SMG5: variants seen among roughly 807,000 people sequenced by gnomAD.
SMG5 encodes SMG5 nonsense mediated mRNA decay factor, also known as nonsense-mediated mRNA decay factor SMG5.
SMG5 carries 53 observed loss-of-function variants against 122.9 expected under a neutral mutation model. The observed-to-expected ratio is 0.43, with a 90% confidence interval of 0.35 to 0.54. The LOEUF (loss-of-function observed/expected upper bound fraction) is 0.54, where lower values mean the gene tolerates loss of function less well. Among genes scored for constraint, SMG5 ranks in the 20% least tolerant of loss-of-function variants. SMG5 has a pLI of 0.01. For synonymous variants in SMG5, 477 were observed against 490.2 expected (o/e 0.97, Z 0.35); for missense variants, 1,153 against 1,285.6 (o/e 0.90, Z 1.58).
Position 156,277,376 on chromosome 1 carries a change from T to G in SMG5, c.298-135A>C, listed in dbSNP as rs552149787. On this transcript the variant is annotated intron_variant, in intron 3 of 21. Transcript: ENST00000361813. ...TCTCACTCACAAGTTACTGTCATAC[T>G]CTTAGCTCTAACTCTCTGATCTTTC... 7.0e-6 allele frequency: 7 copies of G among 999,112 alleles called. No homozygotes were observed. The East Asian group carries it at 1.9e-4, about 27-fold the overall frequency. 61.9% of individuals were successfully genotyped at this position (999,112 alleles called of 1,614,324 possible).
Position 156,261,334 on chromosome 1 carries a change from A to G in SMG5, c.2106T>C (p.Ser702=), listed in dbSNP as rs142531672. ...LLPAAGELQE[S]GLALCPEVQD... is the part of the protein sequence containing the mutation. ...GGGTAGTGCCAGGGACCCACTCACCAGACTCCTGGAGTTCACCAGCAGCAG... is the reference window on the plus strand; with the variant it reads ...GGGTAGTGCCAGGGACCCACTCACCGGACTCCTGGAGTTCACCAGCAGCAG... The change falls in exon 14 of 22, where the codon TCT becomes TCC. Residue 702 remains serine, a splice_region_variant and synonymous_variant. Coordinates refer to ENST00000361813, the MANE Select transcript of SMG5 (RefSeq NM_015327.3). The G allele has an allele frequency of 2.5e-6, 4 of 1,614,032 alleles. No individual in the cohort carries two copies. The African/African-American group carries it at 5.3e-5, about 22-fold the overall frequency.
chr1:156,278,011 G>T lies in SMG5; in HGVS notation c.211C>A (p.Pro71Thr). 6.2e-7 allele frequency: 1 copy of T among 1,614,104 alleles called. No homozygotes were observed. Among genetic ancestry groups the T allele is most frequent in the Non-Finnish European group, 8.5e-7 (1 of 1,180,012 alleles). Reference protein sequence around the residue: ...ELCVKLMFLHPVDYGRKAEEL... With the variant: ...ELCVKLMFLHTVDYGRKAEEL... ...TCAGCCTTTCTCCCATAGTCCACTG[G>T]GTGCAGGAACATAAGCTTGACGCAG... Residue 71 changes from proline to threonine, a missense_variant, in exon 3 of 22, where the codon CCA becomes ACA. By Grantham distance (38) the Pro-to-Thr change is conservative. Around this residue, in one of 5 missense-constraint regions of SMG5, gnomAD observed 213 missense variants for 197.5 expected, o/e 1.08. Transcript: ENST00000361813.
At chr1:156,269,988 C>T (rs1466360843) in intron 7 of SMG5, among the ~76,000 whole-genome samples, 4 of 151,698 alleles carry the variant, frequency 2.6e-5, no homozygotes, top group Admixed American at 6.6e-5. Flanking sequence ...TGCAGTGAGC[C>T]GAGATCGCGC....
chr1:156,286,727 T>C (rs962082316), upstream of SMG5, among the ~76,000 whole-genome samples: 2 of 152,224 alleles, frequency 1.3e-5, no homozygotes, highest in African/African-American at 4.8e-5. Flanking sequence ...AATGCACCCA[T>C]TGCAGCCACT....
Position 156,250,319 on chromosome 1 carries a change from G to T in SMG5, c.*268C>A, listed in dbSNP as rs1310429932. On this transcript the variant is annotated 3_prime_UTR_variant, in exon 22 of 22. Transcript: ENST00000361813. ...CCACCTGCCCCTGGAGACAGCAGGG[G>T]AGCTGAGGCAGGAAGGCTGGCCAGG... The T allele has an allele frequency of 1.2e-5, 6 of 482,302 alleles. No individual in the cohort carries two copies. The highest frequency in any genetic ancestry group is 1.9e-5 in the Non-Finnish European group (5 of 265,352). The allele number at this position is 482,302 out of a possible 1,614,324, so 29.9% of individuals were successfully genotyped here.
At chr1:156,264,129 G>A (rs1374213979) in intron 12 of SMG5, among the ~76,000 whole-genome samples, 1 of 151,850 alleles carries the variant, frequency 6.6e-6, no homozygotes, top group Non-Finnish European at 1.5e-5. Flanking sequence ...TTAGCTGGGT[G>A]TGGTGGTGCA....
At chr1:156,253,564 G>A (rs867654595) in intron 16 of SMG5, 56 bp from the exon 17 acceptor site, 1 of 1,541,206 alleles carries the variant, frequency 6.5e-7, no homozygotes, top group Non-Finnish European at 9.0e-7. Flanking sequence ...CTTCTCCAGT[G>A]ATCAGGAAGA....
At chr1:156,266,825 T>C (rs1662175406) in intron 10 of SMG5, 147 bp from the exon 11 acceptor site, 2 of 1,092,720 alleles carry the variant, frequency 1.8e-6, no homozygotes, top group Non-Finnish European at 2.5e-6. Context: ...TTTAACTTTT[T>C]AGAGACAAGA....
upstream of SMG5, chr1:156,285,352 G>A (rs746780650): frequency 5.8e-5 from 91 of 1,574,180 alleles, no homozygotes; most frequent in African/African-American, 2.4e-4. Flanking sequence ...CCGAATCCCC[G>A]GGAGCTGAGT....
intron 13 of SMG5, among the ~76,000 whole-genome samples, chr1:156,261,674 G>C (rs1661844868): frequency 6.6e-6 from 1 of 152,022 alleles, no homozygotes; most frequent in East Asian, 1.9e-4. Flanking sequence ...GATCACCTGA[G>C]GTCAGGAGTT....
At chr1:156,282,550 C>T (rs986236507) in intron 1 of SMG5, 57 bp downstream of exon 1, 7 of 1,538,480 alleles carry the variant, frequency 4.5e-6, no homozygotes, top group Non-Finnish European at 6.1e-6. Context: ...GAGGCCCCGC[C>T]CCTCGCCGTC....
At chr1:156,277,833 G>T in intron 3 of SMG5, 92 bp downstream of exon 3, 1 of 1,541,350 alleles carries the variant, frequency 6.5e-7, no homozygotes, top group Non-Finnish European at 8.8e-7. Context: ...TGTTTTCTTG[G>T]CTCCCCTACC....
intron 15 of SMG5, among the ~76,000 whole-genome samples, chr1:156,259,773 A>G (rs1447670653): frequency 6.6e-6 from 1 of 152,092 alleles, no homozygotes; most frequent in Non-Finnish European, 1.5e-5. Flanking sequence ...CAAGCGATCC[A>G]CCTGCCTTGG....
chr1:156,270,747 C>G (rs1662373359), intron 7 of SMG5, among the ~76,000 whole-genome samples: 1 of 152,192 alleles, frequency 6.6e-6, no homozygotes, highest in Non-Finnish European at 1.5e-5. Flanking sequence ...GTGGCTCACG[C>G]CTGTAATCCC....
rs556398092 is a variant in SMG5, at chr1:156,263,650, G to T, written c.1856-80C>A. ...GGAACAGGCCTCAGCTCTGTGCAGGGAGCATGCTTCCACCTGGCCTGGGCC... is the reference window on the plus strand; with the variant it reads ...GGAACAGGCCTCAGCTCTGTGCAGGTAGCATGCTTCCACCTGGCCTGGGCC... On this transcript the variant is annotated intron_variant, in intron 12 of 21. Coordinates refer to ENST00000361813, the MANE Select transcript of SMG5 (RefSeq NM_015327.3). 1.4e-4 allele frequency: 205 copies of T among 1,475,862 alleles called. 3 individuals are homozygous for T. In the South Asian group the frequency reaches 1.8e-3, roughly 13 times the overall value. 91.4% of individuals were successfully genotyped at this position (1,475,862 alleles called of 1,614,324 possible).
intron 15 of SMG5, among the ~76,000 whole-genome samples, 176 bp downstream of exon 15, chr1:156,260,275 A>C (rs1661758317): frequency 6.6e-6 from 1 of 152,224 alleles, no homozygotes; most frequent in African/African-American, 2.4e-5. Flanking sequence ...CCAAGGCAGG[A>C]AAAAAGCTAA....
At chr1:156,253,290 G>A (rs1661434629) in intron 17 of SMG5, among the ~76,000 whole-genome samples, 159 bp downstream of exon 17, 2 of 152,182 alleles carry the variant, frequency 1.3e-5, no homozygotes, top group African/African-American at 4.8e-5. Context: ...GCAAATGGCT[G>A]AGTGAAGAGT....
chr1:156,250,807 T>TG (rs769832080), intron 21 of SMG5, 51 bp downstream of exon 21: 7 of 1,609,984 alleles, frequency 4.3e-6, no homozygotes, highest in Non-Finnish European at 5.9e-6. Flanking sequence ...GAGTCTGCTC[T>TG]GGTACCTCGT....
rs1661395344 is a variant in SMG5 at position 156,252,497 on chromosome 1, A to G, written c.2670T>C (p.Asp890=). ...FIVIIPRTVI[D]GLDLLKKEHP... ...GTTCCTTCTTCAGCAAATCCAGGCC[A>G]TCGATCACTGGTGGGCAAGGTAGGG... The change falls in exon 19 of 22, where the codon GAT becomes GAC. Residue 890 remains aspartate (D), a synonymous_variant. Coordinates refer to ENST00000361813, the MANE Select transcript of SMG5 (RefSeq NM_015327.3). The G allele has an allele frequency of 1.2e-6, 2 of 1,613,922 alleles. No individual in the cohort carries two copies. Among genetic ancestry groups the G allele is most frequent in the Admixed American group, 1.7e-5 (1 of 60,002 alleles).
Sources: gnomAD v4.1 joint callset for allele counts (sites outside exome capture counted in the v4.1 genomes callset) on GRCh38, gnomAD v4.1.1 for gene constraint, gnomAD v4.1.1 regional missense constraint, MANE v1.5 for transcripts, NCBI Gene and HGNC (gene_info 2026-07-23, HGNC 2026-07-21) for gene names.